KCNIP4: variants seen among roughly 807,000 people sequenced by gnomAD.
KCNIP4 encodes the protein potassium voltage-gated channel interacting protein 4.
In KCNIP4, 12 loss-of-function variants were observed where a neutral mutation model predicts 34.0. The observed-to-expected ratio is 0.35, with a 90% CI of 0.23 to 0.57. The LOEUF is 0.57. Ranked by LOEUF, KCNIP4 falls within the 20% of genes least tolerant of loss-of-function variation. The probability of loss-of-function intolerance (pLI) is 0.83; values close to 1 mark genes in which losing one functional copy is unlikely to be tolerated. For synonymous variants in KCNIP4, 124 were observed against 102.2 expected, an observed-to-expected ratio of 1.21 and a Z score of -1.29; for missense variants, 238 against 311.7, an observed-to-expected ratio of 0.76 and a Z score of 1.78.
intron 1 of KCNIP4, among the ~76,000 whole-genome samples, chr4:21,741,529 TGGAACCCAGCA>T (rs1716401030): frequency 6.6e-6 from 1 of 152,156 alleles, no homozygotes; most frequent in Non-Finnish European, 1.5e-5. Flanking sequence ...TGAACTCCAG[TGGAACCCAGCA>T]TCATCTATAC....
At chr4:21,570,639 T>C (rs1240551988) in intron 1 of KCNIP4, among the ~76,000 whole-genome samples, 1 of 152,152 alleles carries the variant, frequency 6.6e-6, no homozygotes, top group Non-Finnish European at 1.5e-5. Context: ...ATCAGTGGCT[T>C]TTGAAAATGA....
At chr4:21,115,112 T>C (rs1749574324) in intron 1 of KCNIP4, among the ~76,000 whole-genome samples, 1 of 152,166 alleles carries the variant, frequency 6.6e-6, no homozygotes, top group Admixed American at 6.6e-5. Flanking sequence ...TCCCTCACAT[T>C]GTTTTCCTCA....
intron 1 of KCNIP4, among the ~76,000 whole-genome samples, chr4:20,949,511 T>C (rs1314134888): frequency 6.6e-6 from 1 of 152,104 alleles, no homozygotes; most frequent in East Asian, 1.9e-4. Flanking sequence ...TTACTGGGTA[T>C]ATACCCAAAG....
At chr4:21,200,760 A>G (rs533699033) in intron 1 of KCNIP4, among the ~76,000 whole-genome samples, 73 of 152,138 alleles carry the variant, frequency 4.8e-4, no homozygotes, top group African/African-American at 1.7e-3. Flanking sequence ...CATGTAACAA[A>G]AAACCACTTG....
intron 1 of KCNIP4, among the ~76,000 whole-genome samples, chr4:21,524,090 A>G (rs1735772351): frequency 6.6e-6 from 1 of 150,544 alleles, no homozygotes; most frequent in South Asian, 2.1e-4. Flanking sequence ...TATTTTCTCC[A>G]CTCTTGAAAG....
At chr4:20,733,966 T>C (rs1486657893) in intron 6 of KCNIP4, among the ~76,000 whole-genome samples, 1 of 152,122 alleles carries the variant, frequency 6.6e-6, no homozygotes, top group African/African-American at 2.4e-5. Context: ...GGCCTCTTGC[T>C]CAAAACTCAA....
chr4:21,041,216 G>T (rs1394554657), intron 1 of KCNIP4, among the ~76,000 whole-genome samples: 4 of 147,332 alleles, frequency 2.7e-5, no homozygotes, highest in Non-Finnish European at 4.5e-5. Flanking sequence ...GGCTCTCAGT[G>T]AATGATATAT....
intron 1 of KCNIP4, among the ~76,000 whole-genome samples, chr4:20,930,365 T>C (rs1009780991): frequency 6.6e-6 from 1 of 151,990 alleles, no homozygotes; most frequent in African/African-American, 2.4e-5. Flanking sequence ...GGACTCAAAA[T>C]AGATAGGAGA....
chr4:20,854,578 C>A (rs1013953559), intron 2 of KCNIP4, among the ~76,000 whole-genome samples: 1 of 152,102 alleles, frequency 6.6e-6, no homozygotes, highest in African/African-American at 2.4e-5. Flanking sequence ...TCTCACAAAT[C>A]ACCACTGAAG....
At chr4:20,883,174 T>C (rs1377330139) in intron 1 of KCNIP4, among the ~76,000 whole-genome samples, 1 of 152,168 alleles carries the variant, frequency 6.6e-6, no homozygotes, top group Admixed American at 6.5e-5. Flanking sequence ...ATGCTTCACA[T>C]AAATCATTCA....
At chr4:21,008,389 T>A (rs1286901167) in intron 1 of KCNIP4, among the ~76,000 whole-genome samples, 1 of 152,218 alleles carries the variant, frequency 6.6e-6, no homozygotes, top group African/African-American at 2.4e-5. Context: ...GAAATTAGGC[T>A]ACTATGTTTG....
chr4:21,070,393 T>C (rs565890627), intron 1 of KCNIP4, among the ~76,000 whole-genome samples: 1 of 142,144 alleles, frequency 7.0e-6, no homozygotes, highest in Admixed American at 7.1e-5. Context: ...TTTAGATTTT[T>C]TTTTTTAAAG....
At chr4:20,787,794 C>A (rs991452358) in intron 3 of KCNIP4, among the ~76,000 whole-genome samples, 2 of 151,954 alleles carry the variant, frequency 1.3e-5, no homozygotes, top group Non-Finnish European at 2.9e-5. Context: ...GCTTTTATTT[C>A]CAGCATAATT....
chr4:20,734,092 AC>A (rs1335861900), intron 6 of KCNIP4, among the ~76,000 whole-genome samples: 1 of 151,888 alleles, frequency 6.6e-6, no homozygotes, highest in Non-Finnish European at 1.5e-5. Flanking sequence ...TGGTTAACTT[AC>A]TCCATCCCTT....
chr4:21,373,113 T>C (rs1720644273), intron 1 of KCNIP4, among the ~76,000 whole-genome samples: 1 of 146,912 alleles, frequency 6.8e-6, no homozygotes, highest in South Asian at 2.1e-4. Flanking sequence ...AATAATCCTG[T>C]AAGAATATCT....
chr4:21,874,087 G>A (rs1725962352), intron 1 of KCNIP4, among the ~76,000 whole-genome samples: 1 of 152,194 alleles, frequency 6.6e-6, no homozygotes, highest in African/African-American at 2.4e-5. Flanking sequence ...GCCGCAACAA[G>A]GAGTAGCACT....
intron 1 of KCNIP4, among the ~76,000 whole-genome samples, chr4:21,878,774 T>C (rs1726287659): frequency 6.6e-6 from 1 of 152,192 alleles, no homozygotes; most frequent in African/African-American, 2.4e-5. Context: ...ACAAGCAAGC[T>C]ACATGTACTT....
At chr4:21,694,209 C>A (rs987144411) in intron 1 of KCNIP4, among the ~76,000 whole-genome samples, 6 of 152,086 alleles carry the variant, frequency 3.9e-5, no homozygotes, top group Non-Finnish European at 8.8e-5. Context: ...ATAGAAGTGT[C>A]GTATTCTTGG....
At chr4:21,356,717 A>G (rs960379888) in intron 1 of KCNIP4, among the ~76,000 whole-genome samples, 2 of 152,090 alleles carry the variant, frequency 1.3e-5, no homozygotes, top group South Asian at 2.1e-4. Flanking sequence ...GGAAGAATCA[A>G]TATCGTGAAA....
Sources: gnomAD v4.1 joint callset for allele counts (sites outside exome capture counted in the v4.1 genomes callset) on GRCh38, gnomAD v4.1.1 for gene constraint, MANE v1.5 for transcripts, NCBI Gene and HGNC (gene_info 2026-07-23, HGNC 2026-07-21) for gene names.